The following NTNG1 variants were observed in gnomAD, a reference collection of about 807,000 sequenced individuals.
NTNG1 encodes netrin-G1.
A neutral mutation model predicts 54.0 loss-of-function variants in NTNG1; 16 were observed. The observed-to-expected ratio is 0.30, with a 90% CI of 0.20 to 0.45. The LOEUF (loss-of-function observed/expected upper bound fraction) is 0.45. NTNG1 is among the 20% of genes least tolerant of loss of function. The pLI is 1.00. For synonymous variants in NTNG1, 255 were observed against 263.1 expected, an observed-to-expected ratio of 0.97 and a Z score of 0.30; for missense variants, 530 against 678.7, an observed-to-expected ratio of 0.78 and a Z score of 2.43.
At chr1:107,293,315 T>A (rs1665739041) in intron 2 of NTNG1, among the ~76,000 whole-genome samples, 1 of 152,228 alleles carries the variant, frequency 6.6e-6, no homozygotes, top group African/African-American at 2.4e-5. Context: ...AAGAATGATA[T>A]TTCTTAAATA....
intron 3 of NTNG1, among the ~76,000 whole-genome samples, chr1:107,392,038 G>A (rs1419609158): frequency 2.0e-5 from 3 of 152,174 alleles, no homozygotes; most frequent in Admixed American, 6.5e-5. Context: ...AGAAAGCACA[G>A]AAGGAAGAAT....
At chr1:107,373,717 GA>G (rs1477697127) in intron 3 of NTNG1, among the ~76,000 whole-genome samples, 1 of 147,060 alleles carries the variant, frequency 6.8e-6, no homozygotes, top group South Asian at 2.1e-4. Flanking sequence ...TTTTTTTCAA[GA>G]GACAGGGTCT....
chr1:107,216,788 C>T lies in NTNG1; in HGVS notation c.246+67949C>T, dbSNP rs535471889. Among the ~76,000 whole-genome samples, 5 of 152,110 alleles carry T rather than the reference C, an allele frequency of 3.3e-5. No individual in the cohort carries two copies. The East Asian group carries it at 7.8e-4, about 24-fold the overall frequency. Reference sequence around the variant, plus strand: ...TACCTCCTGGGTTCAAGCAGTTCTCCTGCCTCAGCCTCCCAAGTAGCTGGG... The same window carrying T: ...TACCTCCTGGGTTCAAGCAGTTCTCTTGCCTCAGCCTCCCAAGTAGCTGGG... On this transcript the variant is annotated intron_variant, in intron 2 of 7. Coordinates refer to ENST00000370068, the MANE Select transcript of NTNG1 (RefSeq NM_001113226.3).
At chr1:107,421,200 G>T in intron 5 of NTNG1, 1 of 1,200,478 alleles carries the variant, frequency 8.3e-7, no homozygotes, top group Non-Finnish European at 1.2e-6. Context: ...GTGAAACATT[G>T]CACTGTATGA....
chr1:107,299,318 A>C (rs549044436), intron 2 of NTNG1, among the ~76,000 whole-genome samples: 2 of 152,328 alleles, frequency 1.3e-5, no homozygotes, highest in Admixed American at 1.3e-4. Context: ...TTAGGTCTGT[A>C]CTTAAAAATC....
chr1:107,252,412 C>A (rs116013978), intron 2 of NTNG1, among the ~76,000 whole-genome samples: 1 of 152,188 alleles, frequency 6.6e-6, no homozygotes, highest in African/African-American at 2.4e-5. Context: ...TTAATGTTTA[C>A]TGAATGGCTC....
intron 2 of NTNG1, among the ~76,000 whole-genome samples, chr1:107,318,761 G>A (rs745401640): frequency 6.6e-6 from 1 of 152,102 alleles, no homozygotes; most frequent in African/African-American, 2.4e-5. Context: ...GAGAATAAAG[G>A]GGGACTGCTC....
At chr1:107,175,057 C>A (rs1656542371) in intron 2 of NTNG1, among the ~76,000 whole-genome samples, 1 of 152,106 alleles carries the variant, frequency 6.6e-6, no homozygotes, top group South Asian at 2.1e-4. Context: ...ATTATAATAT[C>A]TTCAAATTCG....
intron 2 of NTNG1, among the ~76,000 whole-genome samples, chr1:107,317,658 A>G (rs938870202): frequency 6.6e-6 from 1 of 152,182 alleles, no homozygotes; most frequent in African/African-American, 2.4e-5. Context: ...GGATTTACAC[A>G]GGTGTCTATT....
chr1:107,210,814 A>G (rs1244811192), intron 2 of NTNG1, among the ~76,000 whole-genome samples: 3 of 152,110 alleles, frequency 2.0e-5, no homozygotes, highest in Non-Finnish European at 4.4e-5. Flanking sequence ...TTATTTACAG[A>G]TGCTTTCCAT....
chr1:107,328,615 A>G (rs565410766), intron 3 of NTNG1, among the ~76,000 whole-genome samples: 9 of 152,168 alleles, frequency 5.9e-5, no homozygotes, highest in African/African-American at 2.2e-4. Context: ...ATGTTTTCTT[A>G]TTTACACCAT....
At chr1:107,309,553 C>CA (rs1010784819) in intron 2 of NTNG1, among the ~76,000 whole-genome samples, 1 of 152,132 alleles carries the variant, frequency 6.6e-6, no homozygotes, top group African/African-American at 2.4e-5. Flanking sequence ...TTGAAGGATA[C>CA]AAAAATGAAT....
chr1:107,328,540 T>C (rs932674516), intron 3 of NTNG1, among the ~76,000 whole-genome samples: 1 of 152,104 alleles, frequency 6.6e-6, no homozygotes, highest in African/African-American at 2.4e-5. Flanking sequence ...ATGTTTGTTC[T>C]GAACATCTTT....
intron 2 of NTNG1, among the ~76,000 whole-genome samples, chr1:107,304,701 C>A (rs1666560194): frequency 6.6e-6 from 1 of 151,572 alleles, no homozygotes. Context: ...CCTTCCCAAC[C>A]ATGAAAAACA....
chr1:107,352,145 G>A (rs1015333644), intron 3 of NTNG1, among the ~76,000 whole-genome samples: 2 of 152,238 alleles, frequency 1.3e-5, no homozygotes, highest in African/African-American at 4.8e-5. Context: ...CTGTTGATGG[G>A]AGCAAGCTGT....
chr1:107,273,904 T>A (rs1363118125), intron 2 of NTNG1, among the ~76,000 whole-genome samples: 3 of 152,200 alleles, frequency 2.0e-5, no homozygotes, highest in Non-Finnish European at 4.4e-5. Context: ...TCTGACAATA[T>A]CTTCTTCTCT....
chr1:107,409,356 A>T (rs1175751069), intron 5 of NTNG1: 1 of 152,270 alleles, frequency 6.6e-6, no homozygotes, highest in Non-Finnish European at 1.5e-5. Context: ...TGGATGGAAA[A>T]GTAGTTCTTT....
chr1:107,226,574 C>T (rs1490448097), intron 2 of NTNG1, among the ~76,000 whole-genome samples: 1 of 152,132 alleles, frequency 6.6e-6, no homozygotes, highest in African/African-American at 2.4e-5. Flanking sequence ...TTCTACTAAC[C>T]TTACTTTCCT....
intron 2 of NTNG1, among the ~76,000 whole-genome samples, chr1:107,292,655 T>G (rs1483630066): frequency 6.6e-6 from 1 of 152,086 alleles, no homozygotes; most frequent in African/African-American, 2.4e-5. Flanking sequence ...GTTTAAATGG[T>G]ATATGACCTC....
Sources: gnomAD v4.1 joint callset for allele counts (sites outside exome capture counted in the v4.1 genomes callset) on GRCh38, gnomAD v4.1.1 for gene constraint, MANE v1.5 for transcripts, NCBI Gene and HGNC (gene_info 2026-07-23, HGNC 2026-07-21) for gene names.